The following CCSER1 variants were observed in gnomAD, a reference collection of about 807,000 sequenced individuals.
CCSER1 encodes coiled-coil serine rich protein 1, also known as serine-rich coiled-coil domain-containing protein 1.
A neutral mutation model predicts 82.0 loss-of-function variants in CCSER1; 41 were observed. The observed-to-expected ratio is 0.50, with a 90% CI of 0.39 to 0.65. The LOEUF is 0.65. CCSER1 is among the 30% of genes least tolerant of loss of function. The pLI is 0.00. For synonymous variants in CCSER1, 414 were observed against 383.9 expected (o/e 1.08, Z -0.92); for missense variants, 1,119 against 1,064.2 (o/e 1.05, Z -0.72).
At chr4:91,411,475 A>C (rs187180808) in intron 10 of CCSER1, among the ~76,000 whole-genome samples, 2,120 of 78,966 alleles carry the variant, frequency 0.027, 78 homozygotes, top group African/African-American at 0.095. Flanking sequence ...TTAATCACTA[A>C]ATTTCTGCAT....
intron 5 of CCSER1, among the ~76,000 whole-genome samples, chr4:90,494,560 A>G (rs1768670910): frequency 6.6e-6 from 1 of 152,156 alleles, no homozygotes; most frequent in African/African-American, 2.4e-5. Flanking sequence ...GAGTTTGGTC[A>G]CCTTTGAAAT....
chr4:91,421,885 A>T (rs1304545928), intron 10 of CCSER1, among the ~76,000 whole-genome samples: 2 of 152,044 alleles, frequency 1.3e-5, no homozygotes, highest in Non-Finnish European at 2.9e-5. Context: ...GATTTTGATT[A>T]TAAAGGGCTT....
intron 4 of CCSER1, among the ~76,000 whole-genome samples, chr4:90,465,800 A>T (rs1649950073): frequency 6.6e-6 from 1 of 152,172 alleles, no homozygotes; most frequent in African/African-American, 2.4e-5. Flanking sequence ...AGAAGTTTGT[A>T]CTTTATACAA....
intron 9 of CCSER1, among the ~76,000 whole-genome samples, chr4:90,999,145 A>G (rs1308045897): frequency 6.6e-6 from 1 of 152,180 alleles, no homozygotes; most frequent in Non-Finnish European, 1.5e-5. Flanking sequence ...TTGGACATCT[A>G]AGTTGATTCC....
chr4:90,949,634 C>T (rs1732669573), intron 9 of CCSER1, among the ~76,000 whole-genome samples: 1 of 152,240 alleles, frequency 6.6e-6, no homozygotes, highest in African/African-American at 2.4e-5. Flanking sequence ...TTCATGCATT[C>T]ATTCATTTGA....
At chr4:91,005,059 T>G (rs1223519335) in intron 9 of CCSER1, among the ~76,000 whole-genome samples, 2 of 152,196 alleles carry the variant, frequency 1.3e-5, no homozygotes, top group African/African-American at 4.8e-5. Flanking sequence ...AAATTCAGTC[T>G]GAGCATCCCA....
At chr4:90,372,488 G>T (rs1747606940) in intron 3 of CCSER1, among the ~76,000 whole-genome samples, 1 of 152,080 alleles carries the variant, frequency 6.6e-6, no homozygotes, top group Admixed American at 6.6e-5. Context: ...GGGCGCTCAG[G>T]CCTGTAATCC....
chr4:90,751,494 T>C (rs1748657361), intron 7 of CCSER1, among the ~76,000 whole-genome samples: 1 of 151,930 alleles, frequency 6.6e-6, no homozygotes, highest in African/African-American at 2.4e-5. Flanking sequence ...AAGAGCTCCT[T>C]GAGGGAAAAA....
At chr4:91,579,109 A>G (rs1241356674) in intron 10 of CCSER1, among the ~76,000 whole-genome samples, 2 of 151,038 alleles carry the variant, frequency 1.3e-5, no homozygotes, top group Non-Finnish European at 3.0e-5. Flanking sequence ...ATCCTTTACT[A>G]TTATTATTAT....
At chr4:91,584,155 G>C (rs1763873295) in intron 10 of CCSER1, among the ~76,000 whole-genome samples, 1 of 151,398 alleles carries the variant, frequency 6.6e-6, no homozygotes, top group Non-Finnish European at 1.5e-5. Flanking sequence ...CTAAATGCCA[G>C]AACCAGAGCT....
intron 5 of CCSER1, among the ~76,000 whole-genome samples, chr4:90,546,297 A>G (rs895891240): frequency 5.9e-5 from 9 of 152,154 alleles, no homozygotes; most frequent in Admixed American, 3.9e-4. Context: ...GTGACCACAA[A>G]GGACTGCCAA....
chr4:90,444,754 C>T (rs1039546660), intron 4 of CCSER1, among the ~76,000 whole-genome samples: 14 of 151,928 alleles, frequency 9.2e-5, no homozygotes, highest in Non-Finnish European at 2.1e-4. Flanking sequence ...ATTAGAAACT[C>T]ATGTTTTATG....
intron 9 of CCSER1, among the ~76,000 whole-genome samples, chr4:90,933,021 AAAGAAAGAAAG>A (rs1448861563): frequency 1.0e-5 from 1 of 96,116 alleles, no homozygotes; most frequent in East Asian, 2.7e-4. Flanking sequence ...AGAAAGAAAG[AAAGAAAGAAAG>A]AAAGAAAGAA....
chr4:91,279,755 A>G (rs1489560820), intron 10 of CCSER1, among the ~76,000 whole-genome samples: 1 of 152,048 alleles, frequency 6.6e-6, no homozygotes, highest in Admixed American at 6.5e-5. Context: ...AAATTTCTTC[A>G]TTGGAATTGT....
rs552502062 is a variant in CCSER1 at position 90,941,980 on chromosome 4, G to A, written c.2172+18533G>A. On this transcript the variant is annotated intron_variant, in intron 9 of 10. Coordinates refer to ENST00000509176, the MANE Select transcript of CCSER1 (RefSeq NM_001145065.2). Reference sequence around the variant, plus strand: ...TTTGTTTTTTTTGAGACAAGTTCTGGCTCTCTCTCCCAGGCTGCAGTGCAA... The same window carrying A: ...TTTGTTTTTTTTGAGACAAGTTCTGACTCTCTCTCCCAGGCTGCAGTGCAA... Among the ~76,000 whole-genome samples the A allele has an allele frequency of 2.0e-5, 3 of 151,730 alleles. No individual in the cohort carries two copies. In the South Asian group the frequency reaches 6.3e-4, roughly 32 times the overall value.
chr4:90,512,763 AT>A, intron 5 of CCSER1, among the ~76,000 whole-genome samples: 1 of 152,290 alleles, frequency 6.6e-6, no homozygotes, highest in South Asian at 2.1e-4. Flanking sequence ...ATGTTTATCT[AT>A]TTTGATTAAC....
At chr4:90,775,387 A>T (rs1752762769) in intron 7 of CCSER1, among the ~76,000 whole-genome samples, 1 of 152,224 alleles carries the variant, frequency 6.6e-6, no homozygotes, top group South Asian at 2.1e-4. Context: ...GGTAACATAG[A>T]TGTATTGTTC....
At chr4:91,392,363 G>GCGCA (rs1553932164) in intron 10 of CCSER1, among the ~76,000 whole-genome samples, 8 of 148,118 alleles carry the variant, frequency 5.4e-5, no homozygotes, top group Non-Finnish European at 7.5e-5. Context: ...ACCTACACAT[G>GCGCA]CACACACACA....
chr4:91,160,865 T>G (rs1022764471), intron 10 of CCSER1, among the ~76,000 whole-genome samples: 1 of 152,188 alleles, frequency 6.6e-6, no homozygotes, highest in African/African-American at 2.4e-5. Flanking sequence ...CTATTCACTC[T>G]GATGGTAGTT....
Sources: allele counts gnomAD v4.1 joint callset (sites outside exome capture counted in the v4.1 genomes callset), GRCh38; gene constraint gnomAD v4.1.1; transcripts MANE v1.5; gene names NCBI Gene and HGNC (gene_info 2026-07-23, HGNC 2026-07-21).